The following SLC30A8 variants were observed in gnomAD, a reference collection of about 807,000 sequenced individuals.
The protein encoded by SLC30A8 is solute carrier family 30 member 8, also known as proton-coupled zinc antiporter SLC30A8.
A neutral mutation model predicts 36.9 loss-of-function variants in SLC30A8; 27 were observed. The observed-to-expected ratio is 0.73, with a 90% CI of 0.54 to 1.01. SLC30A8 has a LOEUF of 1.01. Ranked by LOEUF, SLC30A8 falls within the 50% of genes least tolerant of loss-of-function variation. The probability of loss-of-function intolerance (pLI) is 0.00; values close to 1 mark genes in which losing one functional copy is unlikely to be tolerated. For missense variants in SLC30A8, 439 were observed against 452.0 expected, an observed-to-expected ratio of 0.97 and a Z score of 0.26; for synonymous variants, 164 against 172.4, an observed-to-expected ratio of 0.95 and a Z score of 0.38.
intron 1 of SLC30A8, among the ~76,000 whole-genome samples, chr8:117,033,510 CCTT>C (rs1817119222): frequency 6.6e-6 from 1 of 152,126 alleles, no homozygotes; most frequent in Admixed American, 6.6e-5. Context: ...TTTGTGGTTT[CCTT>C]TAGGGGTGAT....
At chr8:116,967,024 C>T (rs1477089766) in intron 1 of SLC30A8, among the ~76,000 whole-genome samples, 1 of 152,158 alleles carries the variant, frequency 6.6e-6, no homozygotes, top group African/African-American at 2.4e-5. Flanking sequence ...TCAGCTGCTT[C>T]TTTTAAATCT....
intron 1 of SLC30A8, chr8:117,006,961 T>TTG (rs1816196778): frequency 1.2e-5 from 1 of 81,676 alleles, no homozygotes; most frequent in African/African-American, 4.5e-5. Context: ...TCTTGTTTTT[T>TTG]TTTTTTTTTT....
At chr8:117,146,719 G>A in intron 1 of SLC30A8, 1 of 813,666 alleles carries the variant, frequency 1.2e-6, no homozygotes, top group South Asian at 2.6e-5. Flanking sequence ...TGGTGGCATT[G>A]ACTGAATAAG....
chr8:117,110,815 C>T (rs1685828882), intron 2 of SLC30A8, among the ~76,000 whole-genome samples: 1 of 152,060 alleles, frequency 6.6e-6, no homozygotes, highest in Non-Finnish European at 1.5e-5. Context: ...TCATTAAATC[C>T]TCACAATAGC....
chr8:117,135,263 C>A lies in SLC30A8; in HGVS notation c.-65C>A. 1.6e-6 allele frequency: 2 copies of A among 1,230,600 alleles called. No individual in the cohort carries two copies. The highest frequency in any genetic ancestry group is 1.2e-6 in the Non-Finnish European group (1 of 866,576). 76.2% of individuals were successfully genotyped at this position (1,230,600 alleles called of 1,614,324 possible). A position where few individuals can be genotyped will look rare whatever the true frequency, so the allele number is the denominator to read the frequency against. ...TATAAATAATTGCAGTGCTGCTTTG[C>A]TTCCAAAACTGGGCAGTGAGTTCAA... On this transcript the variant is annotated 5_prime_UTR_variant, in exon 1 of 8. Transcript: ENST00000456015.
intron 1 of SLC30A8, among the ~76,000 whole-genome samples, chr8:117,144,203 T>C (rs576446079): frequency 6.6e-6 from 1 of 152,280 alleles, no homozygotes; most frequent in African/African-American, 2.4e-5. Context: ...ATTCTGTGGT[T>C]ATTATTAGGA....
chr8:117,169,430 C>T (rs1823248987), intron 6 of SLC30A8, among the ~76,000 whole-genome samples: 1 of 152,022 alleles, frequency 6.6e-6, no homozygotes, highest in Admixed American at 6.6e-5. Flanking sequence ...TTAAATTTTT[C>T]AAAAGGAGGG....
intron 2 of SLC30A8, among the ~76,000 whole-genome samples, chr8:117,056,460 C>A (rs1319089807): frequency 6.6e-6 from 1 of 152,172 alleles, no homozygotes; most frequent in Non-Finnish European, 1.5e-5. Context: ...GTTTACCCTC[C>A]CTAAGCAGCC....
rs988088302 is a variant in SLC30A8 at position 117,116,786 on chromosome 8, T to A, written c.-225-18494T>A. On this transcript the variant is annotated intron_variant, in intron 2 of 10. Coordinates refer to the SLC30A8 transcript ENST00000427715. ...TGATGGTTTAGTTTACACTCAAGTG[T>A]CCATAGGAGACAGTGACTTCATATG... Among the ~76,000 whole-genome samples, 7 of 152,024 alleles carry A rather than the reference T, an allele frequency of 4.6e-5. No individual in the cohort carries two copies. In the South Asian group the frequency reaches 1.2e-3, roughly 27 times the overall value.
At chr8:117,141,040 C>A (rs896124107) in intron 1 of SLC30A8, among the ~76,000 whole-genome samples, 1 of 151,946 alleles carries the variant, frequency 6.6e-6, no homozygotes, top group African/African-American at 2.4e-5. Flanking sequence ...TTTCATAAAA[C>A]CTTACACAAA....
chr8:117,055,488 C>T (rs1045167161), intron 2 of SLC30A8, among the ~76,000 whole-genome samples: 1 of 152,188 alleles, frequency 6.6e-6, no homozygotes, highest in East Asian at 1.9e-4. Context: ...CTAGGACCAG[C>T]GGGGGCCCTT....
chr8:117,059,017 T>C (rs901124293), intron 2 of SLC30A8, among the ~76,000 whole-genome samples: 2 of 140,748 alleles, frequency 1.4e-5, no homozygotes, highest in Non-Finnish European at 3.1e-5. Context: ...GTTCACAAAA[T>C]GTGTGACAGA....
chr8:116,962,043 GC>G (rs1199331385), intron 1 of SLC30A8, among the ~76,000 whole-genome samples: 5 of 151,912 alleles, frequency 3.3e-5, no homozygotes, highest in Non-Finnish European at 7.4e-5. Context: ...TTGGATACTT[GC>G]AAACAATAAG....
chr8:117,128,823 A>T (rs1022033541), intron 2 of SLC30A8, among the ~76,000 whole-genome samples: 6 of 152,030 alleles, frequency 3.9e-5, no homozygotes, highest in Admixed American at 1.3e-4. Context: ...GAGCTTTCTG[A>T]GGTTTCACAG....
intron 3 of SLC30A8, among the ~76,000 whole-genome samples, chr8:117,157,140 A>G (rs942397083): frequency 1.3e-5 from 2 of 152,252 alleles, no homozygotes; most frequent in African/African-American, 4.8e-5. Context: ...AAATGCAGTC[A>G]GAGTGTTAGT....
chr8:117,020,767 T>C (rs1816671078), intron 1 of SLC30A8, among the ~76,000 whole-genome samples: 1 of 152,190 alleles, frequency 6.6e-6, no homozygotes, highest in East Asian at 1.9e-4. Context: ...AAGACACTGA[T>C]AAGAAGATGT....
chr8:116,983,585 C>T (rs1815345878), intron 1 of SLC30A8, among the ~76,000 whole-genome samples: 1 of 152,102 alleles, frequency 6.6e-6, no homozygotes, highest in Non-Finnish European at 1.5e-5. Context: ...GGCTTTGTAA[C>T]TTTTATCAAC....
chr8:117,095,806 A>C (rs1819335479), intron 2 of SLC30A8, among the ~76,000 whole-genome samples: 1 of 152,214 alleles, frequency 6.6e-6, no homozygotes, highest in Admixed American at 6.5e-5. Flanking sequence ...CTCAGCCTAG[A>C]GTTTAGTTAG....
At chr8:117,011,760 C>T (rs888276334) in intron 1 of SLC30A8, among the ~76,000 whole-genome samples, 11 of 152,182 alleles carry the variant, frequency 7.2e-5, no homozygotes, top group African/African-American at 2.4e-4. Context: ...CATTTTGTTA[C>T]ATATTAATAA....
Sources: gnomAD v4.1 joint callset for allele counts (sites outside exome capture counted in the v4.1 genomes callset) on GRCh38, gnomAD v4.1.1 for gene constraint, MANE v1.5 for transcripts, NCBI Gene and HGNC (gene_info 2026-07-23, HGNC 2026-07-21) for gene names.